Variants in SIK3 observed in about 807,000 individuals in gnomAD.
The protein encoded by SIK3 is SIK family kinase 3.
A neutral mutation model predicts 144.2 loss-of-function variants in SIK3; 28 were observed. That is an observed-to-expected ratio of 0.19 (90% CI 0.14 to 0.27). SIK3 has a LOEUF of 0.27. Ranked by LOEUF, SIK3 falls within the 10% of genes least tolerant of loss-of-function variation. The pLI, the probability that SIK3 is intolerant of heterozygous loss-of-function variation, is 1.00. For missense variants in SIK3, 1,319 were observed against 1,776.0 expected (o/e 0.74, Z 4.62); for synonymous variants, 686 against 676.3 (o/e 1.01, Z -0.22).
intron 1 of SIK3, among the ~76,000 whole-genome samples, chr11:117,048,917 A>T (rs1953094116): frequency 6.6e-6 from 1 of 152,118 alleles, no homozygotes; most frequent in African/African-American, 2.4e-5. Flanking sequence ...CCTGACCAAC[A>T]TGGTGAAACC....
chr11:116,945,223 T>C (rs1948523561), intron 3 of SIK3, among the ~76,000 whole-genome samples: 1 of 152,142 alleles, frequency 6.6e-6, no homozygotes, highest in East Asian at 1.9e-4. Context: ...CCTCCCAAAG[T>C]GCTGGGATTA....
At chr11:116,912,578 C>T (rs1946407062) in intron 4 of SIK3, among the ~76,000 whole-genome samples, 1 of 152,184 alleles carries the variant, frequency 6.6e-6, no homozygotes, top group Non-Finnish European at 1.5e-5. Context: ...CGACGGACAA[C>T]CCTGCTTTCC....
chr11:116,918,102 A>T (rs1230151938), intron 4 of SIK3, among the ~76,000 whole-genome samples: 1 of 152,192 alleles, frequency 6.6e-6, no homozygotes. Flanking sequence ...CAATAGTTGT[A>T]TATATTTACA....
At chr11:116,958,906 C>T (rs1166514248) in intron 1 of SIK3, among the ~76,000 whole-genome samples, 1 of 152,208 alleles carries the variant, frequency 6.6e-6, no homozygotes, top group Non-Finnish European at 1.5e-5. Context: ...CAAAAAAAAT[C>T]ATGGTACACA....
intron 1 of SIK3, among the ~76,000 whole-genome samples, chr11:117,089,227 G>A (rs1955141948): frequency 6.6e-6 from 1 of 151,920 alleles, no homozygotes; most frequent in African/African-American, 2.4e-5. Flanking sequence ...AACACATGGT[G>A]AAACGCCGTC....
chr11:117,086,681 A>G (rs1221440264), intron 1 of SIK3, among the ~76,000 whole-genome samples: 1 of 141,704 alleles, frequency 7.1e-6, no homozygotes, highest in Non-Finnish European at 1.5e-5. Flanking sequence ...ACAGAGTGAG[A>G]CTCCGTCTCA....
chr11:116,948,702 AT>A (rs1247878040), intron 3 of SIK3, among the ~76,000 whole-genome samples: 1 of 151,706 alleles, frequency 6.6e-6, no homozygotes, highest in Non-Finnish European at 1.5e-5. Flanking sequence ...AATGTTGTCG[AT>A]TTTTTCAAAG....
intron 1 of SIK3, among the ~76,000 whole-genome samples, chr11:116,960,315 G>A (rs1017085613): frequency 1.2e-4 from 18 of 151,892 alleles, no homozygotes; most frequent in Non-Finnish European, 1.8e-4. Flanking sequence ...GGCTTGAGGC[G>A]AGGAGTTCAA....
At chr11:117,062,666 T>C (rs529835499) in intron 1 of SIK3, among the ~76,000 whole-genome samples, 22 of 152,292 alleles carry the variant, frequency 1.4e-4, no homozygotes, top group Non-Finnish European at 2.6e-4. Context: ...AATTTAGCCA[T>C]TTGTCACCTC....
At chr11:116,887,619 A>G (rs116817718) in intron 6 of SIK3, among the ~76,000 whole-genome samples, 4,306 of 152,094 alleles carry the variant, frequency 0.028, 197 homozygotes, top group African/African-American at 0.095. Flanking sequence ...TCCCAAAAAA[A>G]AAAAAAAACA....
At chr11:117,083,878 TA>T (rs1388835078) in intron 1 of SIK3, among the ~76,000 whole-genome samples, 1 of 152,212 alleles carries the variant, frequency 6.6e-6, no homozygotes, top group Non-Finnish European at 1.5e-5. Context: ...TGAACAGATA[TA>T]AACCTCTTAA....
chr11:116,982,556 G>A (rs1950181350), intron 1 of SIK3, among the ~76,000 whole-genome samples: 1 of 152,058 alleles, frequency 6.6e-6, no homozygotes, highest in Admixed American at 6.5e-5. Context: ...CCAAAGTGCT[G>A]GGATTACAGG....
At chr11:116,922,857 G>A (rs908149000) in intron 4 of SIK3, among the ~76,000 whole-genome samples, 3 of 146,752 alleles carry the variant, frequency 2.0e-5, no homozygotes, top group Admixed American at 6.8e-5. Context: ...TAACATATAC[G>A]ATTATTTTAA....
intron 4 of SIK3, among the ~76,000 whole-genome samples, chr11:116,902,825 A>C (rs746668915): frequency 2.0e-5 from 3 of 152,194 alleles, no homozygotes; most frequent in Non-Finnish European, 4.4e-5. Context: ...AATTATGGGC[A>C]GATTCCTTTA....
intron 3 of SIK3, among the ~76,000 whole-genome samples, chr11:116,946,118 G>C (rs1004896355): frequency 6.6e-6 from 1 of 152,134 alleles, no homozygotes; most frequent in Non-Finnish European, 1.5e-5. Flanking sequence ...TCTTGCTTTA[G>C]AGATTGTTTT....
intron 3 of SIK3, among the ~76,000 whole-genome samples, chr11:116,947,391 A>C (rs1180465136): frequency 6.7e-6 from 1 of 149,040 alleles, no homozygotes; most frequent in African/African-American, 2.5e-5. Flanking sequence ...GAAGTTGAAC[A>C]TTTGTGGAAG....
At position 117,016,241 on chromosome 11, in the gene SIK3, G is replaced by A. The variant is rs149439525; in HGVS notation, c.274-59177C>T. ...CTCAGGAGGCTGAGGCAGGAGAATC[G>A]CTCGAACCCAGGAGGCGGCCCTTGC... On this transcript the variant is annotated intron_variant, in intron 1 of 24. Coordinates refer to ENST00000445177, the MANE Select transcript of SIK3 (RefSeq NM_001366686.3). 1.1e-4 allele frequency among the ~76,000 whole-genome samples: 17 copies of A among 148,074 alleles called. No individual in the cohort carries two copies. The East Asian group carries it at 2.7e-3, about 24-fold the overall frequency.
At chr11:116,851,532 G>A (rs1942439315) in intron 21 of SIK3, among the ~76,000 whole-genome samples, 1 of 152,208 alleles carries the variant, frequency 6.6e-6, no homozygotes, top group South Asian at 2.1e-4. Context: ...CATGCCCATT[G>A]CTAGTAATGC....
At chr11:116,965,750 T>C (rs1378296083) in intron 1 of SIK3, among the ~76,000 whole-genome samples, 2 of 18,792 alleles carry the variant, frequency 1.1e-4, no homozygotes, top group East Asian at 8.1e-4. Context: ...TATATATATA[T>C]ATATATATAT....
Sources: gnomAD v4.1 joint callset for allele counts (sites outside exome capture counted in the v4.1 genomes callset) on GRCh38, gnomAD v4.1.1 for gene constraint, MANE v1.5 for transcripts, NCBI Gene and HGNC (gene_info 2026-07-23, HGNC 2026-07-21) for gene names.